The following PRKCZ variants were observed in gnomAD, a reference collection of about 807,000 sequenced individuals.
PRKCZ encodes the protein protein kinase C zeta, also known as protein kinase C zeta type.
Under a neutral mutation model 79.5 loss-of-function variants are expected in PRKCZ, and 33 were observed. The observed-to-expected ratio is 0.41, with a 90% confidence interval of 0.31 to 0.55. The LOEUF is 0.55. PRKCZ is among the 20% of genes least tolerant of loss of function. The pLI is 0.19. For synonymous variants in PRKCZ, 342 were observed against 320.9 expected (o/e 1.07, Z -0.70); for missense variants, 578 against 813.5 (o/e 0.71, Z 3.52).
intron 5 of PRKCZ, among the ~76,000 whole-genome samples, chr1:2,137,426 C>T (rs947065868): frequency 6.6e-6 from 1 of 152,222 alleles, no homozygotes; most frequent in African/African-American, 2.4e-5. Flanking sequence ...TTCACCAGTT[C>T]TCTAGGCATC....
intron 16 of PRKCZ, among the ~76,000 whole-genome samples, chr1:2,179,069 G>A (rs1218992154): frequency 6.6e-6 from 1 of 152,240 alleles, no homozygotes; most frequent in East Asian, 1.9e-4. Flanking sequence ...CACTGCCCTG[G>A]AGAAGAGAGG....
rs2100366281 is a variant in PRKCZ at position 2,173,665 on chromosome 1, A to G, written c.1286-232A>G. On this transcript the variant is annotated intron_variant, in intron 13 of 17. Transcript: ENST00000378567. The surrounding 1 kb of genome is among the most constrained non-coding windows in gnomAD (Gnocchi z 5.7). Reference sequence around the variant, plus strand: ...GGTGCCCTGGCAGGACCGACAGCCCAGAGGCAGCCTGGGAGACCTCCGTAG... The same window carrying G: ...GGTGCCCTGGCAGGACCGACAGCCCGGAGGCAGCCTGGGAGACCTCCGTAG... Among the ~76,000 whole-genome samples, 1 of 152,328 alleles carries G rather than the reference A, an allele frequency of 6.6e-6. No homozygotes were observed. Among genetic ancestry groups the G allele is most frequent in the Middle Eastern group, 3.4e-3 (1 of 294 alleles).
intron 10 of PRKCZ, among the ~76,000 whole-genome samples, chr1:2,167,194 T>C (rs1481314042): frequency 2.0e-5 from 3 of 152,238 alleles, no homozygotes. Flanking sequence ...TCCTAGGCCT[T>C]GGGCAGAGAG....
In PRKCZ at chr1:2,174,146, T is replaced by G. The variant is rs892842967; in HGVS notation, c.1405+130T>G. ...CCATGCAAAGCGTACCGGGAACCAT[T>G]CCTCCTGGCCAGACCCTGTGTCACA... On this transcript the variant is annotated intron_variant, in intron 14 of 17. Coordinates refer to ENST00000378567, the MANE Select transcript of PRKCZ (RefSeq NM_002744.6). This position sits in a 1 kb window ranked among gnomAD's most constrained non-coding sequence, Gnocchi z 6.2. 2 of 1,249,530 alleles carry G rather than the reference T, an allele frequency of 1.6e-6. No individual in the cohort carries two copies. The highest frequency in any genetic ancestry group is 1.1e-6 in the Non-Finnish European group (1 of 938,836). 77.4% of individuals were successfully genotyped at this position (1,249,530 alleles called of 1,614,324 possible). A position where few individuals can be genotyped will look rare whatever the true frequency, so the allele number is the denominator to read the frequency against.
chr1:2,056,092 G>T (rs1406265493), intron 2 of PRKCZ, among the ~76,000 whole-genome samples: 1 of 152,178 alleles, frequency 6.6e-6, no homozygotes, highest in African/African-American at 2.4e-5. Context: ...TAGCGCCCCC[G>T]TTGGGTTGGG....
rs561575413 is a variant in PRKCZ, at chr1:2,165,140, G to A, written c.975-4378G>A. Among the ~76,000 whole-genome samples, 10 of 152,314 alleles carry A rather than the reference G, an allele frequency of 6.6e-5. No homozygotes were observed. The East Asian group carries it at 1.7e-3, about 26-fold the overall frequency. ...AGCATCCCCACCAGTAGATTTCTTT[G>A]GACGAAGTAAAATCCTTCTGTGGAT... is the stretch of plus-strand genomic sequence containing the variant. On this transcript the variant is annotated intron_variant, in intron 10 of 17. Transcript: ENST00000378567. The surrounding 1 kb of genome is among the most constrained non-coding windows in gnomAD (Gnocchi z 4.1).
At chr1:2,107,797 G>T (rs1040231) in intron 4 of PRKCZ, among the ~76,000 whole-genome samples, 116,781 of 151,752 alleles carry the variant, frequency 0.77, 47,522 homozygotes, top group Non-Finnish European at 0.88. Context: ...ATTTCCCCCA[G>T]GGCAGTGTCG....
intron 4 of PRKCZ, among the ~76,000 whole-genome samples, chr1:2,081,504 C>T (rs970151749): frequency 1.3e-5 from 2 of 152,192 alleles, no homozygotes; most frequent in African/African-American, 4.8e-5. Flanking sequence ...CCAGGACGTC[C>T]CATGGCTGCA....
chr1:2,126,790 G>A (rs1304015562), intron 4 of PRKCZ, among the ~76,000 whole-genome samples: 1 of 152,200 alleles, frequency 6.6e-6, no homozygotes, highest in Non-Finnish European at 1.5e-5. Context: ...CCCGAGGGCC[G>A]CGGACACCTG....
intron 4 of PRKCZ, among the ~76,000 whole-genome samples, chr1:2,099,436 A>C (rs1353501108): frequency 6.6e-6 from 1 of 150,748 alleles, no homozygotes; most frequent in Non-Finnish European, 1.5e-5. Flanking sequence ...CACTGTGCAG[A>C]CCAATGATTG....
intron 6 of PRKCZ, among the ~76,000 whole-genome samples, chr1:2,145,787 G>A (rs1024333036): frequency 1.3e-5 from 2 of 152,094 alleles, no homozygotes; most frequent in South Asian, 2.1e-4. Context: ...ATGGTGGTGC[G>A]CACCTGTAGT....
At chr1:2,170,578 C>G (rs137963487) in intron 11 of PRKCZ, among the ~76,000 whole-genome samples, 2 of 152,178 alleles carry the variant, frequency 1.3e-5, no homozygotes, top group Admixed American at 6.5e-5. Flanking sequence ...ACTGCTGGCC[C>G]CCGTCTCATC....
intron 1 of PRKCZ, 62 bp downstream of exon 1, chr1:2,050,763 C>T: frequency 2.0e-6 from 2 of 981,158 alleles, no homozygotes; most frequent in East Asian, 3.3e-5. Flanking sequence ...GAGGGCTCAG[C>T]CGTCGGGGCT....
chr1:2,173,752 G>C lies in PRKCZ; in HGVS notation c.1286-145G>C. Reference sequence around the variant, plus strand: ...TGGAGGTGCTGGTTCTGTTTGGGAAGTGGAAGTCACAGAGGCCTGTGTGCC... The same window carrying C: ...TGGAGGTGCTGGTTCTGTTTGGGAACTGGAAGTCACAGAGGCCTGTGTGCC... On this transcript the variant is annotated intron_variant, in intron 13 of 17. Transcript: ENST00000378567. The surrounding 1 kb of genome is among the most constrained non-coding windows in gnomAD (Gnocchi z 5.7). The C allele has an allele frequency of 1.7e-6, 2 of 1,210,604 alleles. No homozygotes were observed. The highest frequency in any genetic ancestry group is 3.2e-5 in the South Asian group (2 of 62,780). The allele number at this position is 1,210,604 out of a possible 1,614,324, so 75.0% of individuals were successfully genotyped here.
chr1:2,160,539 G>A (rs1682037869), intron 10 of PRKCZ, among the ~76,000 whole-genome samples: 1 of 152,210 alleles, frequency 6.6e-6, no homozygotes. Context: ...AAGGTGCCAG[G>A]GGCTTTCGAA....
At chr1:2,050,066 G>C (rs996654219), upstream of PRKCZ, 1 of 152,278 alleles carries the variant, frequency 6.6e-6, no homozygotes, top group Non-Finnish European at 1.5e-5. Flanking sequence ...AGCGCGCGCC[G>C]CAGGAGTTTC....
At chr1:2,055,718 G>A in intron 2 of PRKCZ, 156 bp downstream of exon 2, 1 of 1,174,128 alleles carries the variant, frequency 8.5e-7, no homozygotes, top group Non-Finnish European at 1.2e-6. Flanking sequence ...GGGGATGGTG[G>A]GAAAGAGGTT....
intron 10 of PRKCZ, among the ~76,000 whole-genome samples, chr1:2,163,129 C>T (rs1420975113): frequency 6.6e-6 from 1 of 152,262 alleles, no homozygotes. Context: ...GACGTTGACA[C>T]TGGACGGCCC....
At chr1:2,097,236 C>CT (rs1557550302) in intron 4 of PRKCZ, among the ~76,000 whole-genome samples, 1 of 152,186 alleles carries the variant, frequency 6.6e-6, no homozygotes, top group Non-Finnish European at 1.5e-5. Context: ...GTTCTGCCCT[C>CT]TTGCTGTCGT....
Sources: gnomAD v4.1 joint callset for allele counts (sites outside exome capture counted in the v4.1 genomes callset) on GRCh38, gnomAD v4.1.1 for gene constraint, Gnocchi (gnomAD v3.1) non-coding constraint, MANE v1.5 for transcripts, NCBI Gene and HGNC (gene_info 2026-07-23, HGNC 2026-07-21) for gene names.